The following GLIPR1L1 variants were observed in gnomAD, a reference collection of about 807,000 sequenced individuals.
GLIPR1L1 encodes GLIPR1-like protein 1.
In GLIPR1L1, 26 loss-of-function variants were observed where a neutral mutation model predicts 29.9. The observed-to-expected ratio is 0.87, with a 90% CI of 0.64 to 1.21. GLIPR1L1 has a LOEUF of 1.21. Among genes scored for constraint, GLIPR1L1 ranks in the 50% most tolerant of loss-of-function variants. GLIPR1L1 has a pLI of 0.00. For missense variants in GLIPR1L1, 305 were observed against 290.3 expected, an observed-to-expected ratio of 1.05 and a Z score of -0.37; for synonymous variants, 77 against 97.5, an observed-to-expected ratio of 0.79 and a Z score of 1.24.
Position 75,339,195 on chromosome 12 carries a change from GT to G in GLIPR1L1, c.174+4294del, listed in dbSNP as rs200475127. ...ATTGCCACACTGTCCTCCACAATGG[GT>G]AAACTAATTTACACTCCCACCAACA... On this transcript the variant is annotated intron_variant, in intron 1 of 5. Coordinates refer to ENST00000378695, the MANE Select transcript of GLIPR1L1 (RefSeq NM_001304964.2). Among the ~76,000 whole-genome samples the G allele has an allele frequency of 4.7e-4, 72 of 151,636 alleles. No individual in the cohort carries two copies. The East Asian group carries it at 0.012, about 26-fold the overall frequency.
At chr12:75,357,161 G>A (rs1357869561) in intron 3 of GLIPR1L1, among the ~76,000 whole-genome samples, 1 of 152,162 alleles carries the variant, frequency 6.6e-6, no homozygotes, top group African/African-American at 2.4e-5. Flanking sequence ...CTGTACTCCA[G>A]CCTGGGAAAC....
chr12:75,364,648 A>G (rs938757783), intron 4 of GLIPR1L1, among the ~76,000 whole-genome samples: 1 of 152,224 alleles, frequency 6.6e-6, no homozygotes, highest in Admixed American at 6.5e-5. Context: ...TTTAACTTCT[A>G]TACATTGAGC....
intron 1 of GLIPR1L1, among the ~76,000 whole-genome samples, chr12:75,339,887 A>C (rs956872218): frequency 2.6e-4 from 39 of 152,134 alleles, no homozygotes; most frequent in Admixed American, 2.5e-3. Context: ...AGCAGTGCCC[A>C]ATGTGTAGTC....
chr12:75,342,747 A>T (rs1487153325), intron 1 of GLIPR1L1, among the ~76,000 whole-genome samples: 1 of 152,192 alleles, frequency 6.6e-6, no homozygotes, highest in Non-Finnish European at 1.5e-5. Context: ...ATTAGAAATA[A>T]AATTATATGT....
At position 75,334,720 on chromosome 12, in the gene GLIPR1L1, C is replaced by T; in HGVS notation, c.-9C>T. The T allele has an allele frequency of 1.2e-6, 2 of 1,611,026 alleles. No individual in the cohort carries two copies. Among genetic ancestry groups the T allele is most frequent in the East Asian group, 2.2e-5 (1 of 44,850 alleles). The stretch of plus-strand genomic sequence containing the variant: ...GTCAGGGCATCCTCCGCATCCTCCA[C>T]ATCCTTCCATGGCTCTGAAGAATAA... On this transcript the variant is annotated 5_prime_UTR_variant, in exon 1 of 6. Transcript: ENST00000378695.
At chr12:75,369,099 T>C (rs1401786843) in intron 4 of GLIPR1L1, among the ~76,000 whole-genome samples, 2 of 151,926 alleles carry the variant, frequency 1.3e-5, no homozygotes, top group Non-Finnish European at 2.9e-5. Context: ...AGCATAACAG[T>C]TATATATGTA....
chr12:75,351,131 G>T (rs1390866208), intron 3 of GLIPR1L1, among the ~76,000 whole-genome samples: 32 of 152,182 alleles, frequency 2.1e-4, no homozygotes, highest in African/African-American at 7.7e-4. Context: ...AAATAAGGCA[G>T]GCAGACAAGA....
intron 3 of GLIPR1L1, among the ~76,000 whole-genome samples, chr12:75,352,457 C>G (rs1029284640): frequency 1.3e-5 from 2 of 152,202 alleles, no homozygotes; most frequent in African/African-American, 4.8e-5. Flanking sequence ...AGCTAACTGT[C>G]CTAAATATAT....
At chr12:75,368,263 T>C (rs2044121585) in intron 4 of GLIPR1L1, among the ~76,000 whole-genome samples, 1 of 151,640 alleles carries the variant, frequency 6.6e-6, no homozygotes, top group Non-Finnish European at 1.5e-5. Flanking sequence ...TTTACAATTT[T>C]TTGCATTTAT....
At chr12:75,364,842 A>G (rs2043858509) in intron 4 of GLIPR1L1, 1 of 152,144 alleles carries the variant, frequency 6.6e-6, no homozygotes, top group Non-Finnish European at 1.5e-5. Context: ...ATCTTCATAA[A>G]TCTCATAACT....
intron 1 of GLIPR1L1, among the ~76,000 whole-genome samples, chr12:75,335,385 G>T (rs2041657583): frequency 6.6e-6 from 1 of 151,998 alleles, no homozygotes; most frequent in Non-Finnish European, 1.5e-5. Flanking sequence ...GTACTCTATT[G>T]AAGAATAAGC....
intron 2 of GLIPR1L1, among the ~76,000 whole-genome samples, chr12:75,347,073 T>C (rs946604598): frequency 2.0e-5 from 3 of 151,590 alleles, no homozygotes; most frequent in Non-Finnish European, 2.9e-5. Flanking sequence ...TCTTTGCAAC[T>C]AGATAAAAAT....
chr12:75,361,798 C>T (rs2043614593), intron 3 of GLIPR1L1, among the ~76,000 whole-genome samples: 1 of 152,084 alleles, frequency 6.6e-6, no homozygotes, highest in South Asian at 2.1e-4. Flanking sequence ...CAATCACCTC[C>T]CTCCCTAAAC....
At chr12:75,364,223 T>C (rs545668502) in intron 4 of GLIPR1L1, among the ~76,000 whole-genome samples, 1 of 152,338 alleles carries the variant, frequency 6.6e-6, no homozygotes, top group East Asian at 1.9e-4. Flanking sequence ...ATGAGACATG[T>C]CTGACCTCCC....
Position 75,370,098 on chromosome 12 carries a change from G to T in GLIPR1L1, c.651G>T (p.Leu217=). The change falls in exon 6 of 6, where the codon CTG becomes CTT. Residue 217 remains leucine, a synonymous_variant. Transcript: ENST00000378695. ...QLIIPNQNPF[L]KPTGRAPQQT... is the part of the protein sequence containing the mutation. The stretch of plus-strand genomic sequence containing the variant: ...TGTTTTTGACAGAAAATCCATTTCT[G>T]AAGCCAACGGGGAGAGCACCTCAGC... 1 of 1,603,570 alleles carries T rather than the reference G, an allele frequency of 6.2e-7. No homozygotes were observed. The highest frequency in any genetic ancestry group is 1.1e-5 in the South Asian group (1 of 90,568).
rs549314157 is a variant in GLIPR1L1, at chr12:75,354,585, C to G, written c.521+6863C>G. ...AGTAATTTACAGATTCAATGCTATT[C>G]CCATTAAACTCATTGACATTCTTCA... is the stretch of plus-strand genomic sequence containing the variant. On this transcript the variant is annotated intron_variant, in intron 3 of 5. Transcript: ENST00000378695. Among the ~76,000 whole-genome samples, 10 of 152,252 alleles carry G rather than the reference C, an allele frequency of 6.6e-5. 1 individual carries two copies. The South Asian group carries it at 1.0e-3, about 16-fold the overall frequency.
Position 75,341,614 on chromosome 12 carries a change from T to A in GLIPR1L1, c.175-2079T>A, listed in dbSNP as rs927260899. Among the ~76,000 whole-genome samples, 5 of 151,854 alleles carry A rather than the reference T, an allele frequency of 3.3e-5. No individual in the cohort carries two copies. The South Asian group carries it at 8.3e-4, about 25-fold the overall frequency. ...GGCGCCCGCCACCACGCCCGCAGAATTTTTTGTATTTTTAGTGGAGACGCG... is the reference window on the plus strand; with the variant it reads ...GGCGCCCGCCACCACGCCCGCAGAAATTTTTGTATTTTTAGTGGAGACGCG... On this transcript the variant is annotated intron_variant, in intron 1 of 5. Coordinates refer to ENST00000378695, the MANE Select transcript of GLIPR1L1 (RefSeq NM_001304964.2).
intron 5 of GLIPR1L1, 25 bp from the exon 6 acceptor site, chr12:75,370,060 C>CTGGTTT: frequency 6.9e-7 from 1 of 1,447,148 alleles, no homozygotes; most frequent in Non-Finnish European, 9.7e-7. Flanking sequence ...CTTAACTATT[C>CTGGTTT]TGGTTTTGTT....
At chr12:75,359,357 CTTTTTTTT>C (rs61616225) in intron 3 of GLIPR1L1, among the ~76,000 whole-genome samples, 66 of 28,594 alleles carry the variant, frequency 2.3e-3, no homozygotes, top group Non-Finnish European at 3.5e-3. Flanking sequence ...GCATTGTTGT[CTTTTTTTT>C]TTTTTTTTTT....
Sources: gnomAD v4.1 joint callset for allele counts (sites outside exome capture counted in the v4.1 genomes callset) on GRCh38, gnomAD v4.1.1 for gene constraint, MANE v1.5 for transcripts, NCBI Gene and HGNC (gene_info 2026-07-23, HGNC 2026-07-21) for gene names.